Variants in SH3TC2 observed in about 807,000 individuals in gnomAD.
The protein encoded by SH3TC2 is SH3 domain and tetratricopeptide repeat-containing protein 2.
In SH3TC2, 87 loss-of-function variants were observed where a neutral mutation model predicts 124.5. That is an observed-to-expected ratio of 0.70 (90% CI 0.59 to 0.84). The LOEUF (loss-of-function observed/expected upper bound fraction) is 0.84, where lower values mean the gene tolerates loss of function less well. SH3TC2 is among the 40% of genes least tolerant of loss of function. The pLI, the probability that SH3TC2 is intolerant of heterozygous loss-of-function variation, is 0.00. For synonymous variants in SH3TC2, 634 were observed against 628.5 expected, an observed-to-expected ratio of 1.01 and a Z score of -0.13; for missense variants, 1,536 against 1,566.4, an observed-to-expected ratio of 0.98 and a Z score of 0.33.
At chr5:149,025,318 A>C (rs1297781375) in intron 12 of SH3TC2, among the ~76,000 whole-genome samples, 1 of 152,182 alleles carries the variant, frequency 6.6e-6, no homozygotes, top group African/African-American at 2.4e-5. Context: ...AGGAAGACAG[A>C]CTGGAAGAGA....
Position 148,986,124 on chromosome 5 carries a change from C to T in SH3TC2, c.*18587G>A, listed in dbSNP as rs1753328876. Reference sequence around the variant, plus strand: ...TAATCAATTTTCACTCACTAAGGCCCTGCTTAATAGCCTATTTTACTGCCC... The same window carrying T: ...TAATCAATTTTCACTCACTAAGGCCTTGCTTAATAGCCTATTTTACTGCCC... On this transcript the variant is annotated 3_prime_UTR_variant, in exon 17 of 17. Transcript: ENST00000515425. 6.6e-6 allele frequency among the ~76,000 whole-genome samples: 1 copy of T among 152,154 alleles called. No homozygotes were observed. Among genetic ancestry groups the T allele is most frequent in the African/African-American group, 2.4e-5 (1 of 41,430 alleles).
At position 148,994,945 on chromosome 5, in the gene SH3TC2, A is replaced by C. The variant is rs1753485656; in HGVS notation, c.*9766T>G. Among the ~76,000 whole-genome samples, 1 of 152,098 alleles carries C rather than the reference A, an allele frequency of 6.6e-6. No individual in the cohort carries two copies. The highest frequency in any genetic ancestry group is 2.4e-5 in the African/African-American group (1 of 41,400). ...AACTTATGATTTCCCAAGGAAAGAG[A>C]CTTGGGATTATGAAACAATACTCTG... On this transcript the variant is annotated 3_prime_UTR_variant, in exon 17 of 17. Coordinates refer to ENST00000515425, the MANE Select transcript of SH3TC2 (RefSeq NM_024577.4).
chr5:149,037,025 C>G (rs759000648), intron 8 of SH3TC2, among the ~76,000 whole-genome samples: 3 of 152,066 alleles, frequency 2.0e-5, no homozygotes, highest in Admixed American at 6.5e-5. Flanking sequence ...AATATGTCAC[C>G]CTTGCTCAGA....
Position 149,012,665 on chromosome 5 carries a change from G to A in SH3TC2, c.3123C>T (p.Asp1041=). The A allele has an allele frequency of 6.2e-7, 1 of 1,614,166 alleles. No homozygotes were observed. The change falls in exon 13 of 17, where the codon GAC becomes GAT. Residue 1041 remains aspartate, a synonymous_variant. Transcript: ENST00000515425. ...LRIFIDLGET[D]KAAEAWLGAG... is the part of the protein sequence containing the mutation. The stretch of plus-strand genomic sequence containing the variant: ...CCCCAAGCCAGGCCTCAGCAGCCTT[G>A]TCTGTCTCCCCCAGGTCAATGAAGA...
In SH3TC2 at chr5:148,984,252, T is replaced by C. The variant is rs1332501885; in HGVS notation, c.*20459A>G. The stretch of plus-strand genomic sequence containing the variant: ...TCTTTTTGTTCCTTCGACTGGATAA[T>C]TTCAAGTGTCCTGTCTTTGAGTTCA... On this transcript the variant is annotated 3_prime_UTR_variant, in exon 17 of 17. Coordinates refer to ENST00000515425, the MANE Select transcript of SH3TC2 (RefSeq NM_024577.4). Among the ~76,000 whole-genome samples, 1 of 152,128 alleles carries C rather than the reference T, an allele frequency of 6.6e-6. No individual in the cohort carries two copies. The highest frequency in any genetic ancestry group is 1.5e-5 in the Non-Finnish European group (1 of 68,014).
chr5:149,022,575 A>G (rs1194772963), intron 12 of SH3TC2, among the ~76,000 whole-genome samples: 1 of 152,246 alleles, frequency 6.6e-6, no homozygotes, highest in Non-Finnish European at 1.5e-5. Flanking sequence ...TCTTCACACA[A>G]AAATTTGTTC....
chr5:149,010,381 C>T lies in SH3TC2; in HGVS notation c.3216G>A (p.Gln1072=), dbSNP rs766899434. 6.2e-7 allele frequency: 1 copy of T among 1,613,958 alleles called. No homozygotes were observed. The highest frequency in any genetic ancestry group is 8.5e-7 in the Non-Finnish European group (1 of 1,180,026). Residue 1072 remains glutamine, a synonymous_variant, in exon 14 of 17, where the codon CAG becomes CAA. Transcript: ENST00000515425. ...LVELCLQAAI[Q]TALKSEEPLL... ...AAGGCTCCTCTGACTTCAGGGCTGT[C>T]TGGATGGCTGCCTAGGTGGGACAGA...
chr5:149,058,444 G>A (rs1016496953), intron 1 of SH3TC2, among the ~76,000 whole-genome samples: 9 of 152,196 alleles, frequency 5.9e-5, no homozygotes, highest in African/African-American at 1.9e-4. Flanking sequence ...AATGACTTAC[G>A]ATGTTAATCA....
At chr5:149,014,516 T>G (rs192662461) in intron 12 of SH3TC2, among the ~76,000 whole-genome samples, 1 of 152,208 alleles carries the variant, frequency 6.6e-6, no homozygotes, top group Non-Finnish European at 1.5e-5. Flanking sequence ...GGATCCTTAT[T>G]GGCAATGAGG....
rs78120278 is a variant in SH3TC2 at position 149,027,497 on chromosome 5, A to C, written c.2235T>G (p.Ala745=). ...LACPMLRQAL[A]ACEELADRST... ...TCCGGTCTGCTAGTTCCTCACAGGC[A>C]GCCAGGGCCTGTCTGAGCATTGGGC... Residue 745 remains alanine, a synonymous_variant, in exon 11 of 17, where the codon GCT becomes GCG. Transcript: ENST00000515425. 9,205 of 1,614,190 alleles carry C rather than the reference A, an allele frequency of 5.7e-3. 452 individuals carry two copies. In the African/African-American group the frequency reaches 0.11, roughly 19 times the overall value.
At chr5:149,005,868 G>A (rs773106062) in intron 16 of SH3TC2, among the ~76,000 whole-genome samples, 3 of 152,140 alleles carry the variant, frequency 2.0e-5, no homozygotes, top group South Asian at 2.1e-4. Flanking sequence ...AGGGGACAGG[G>A]ACCTCTAGTA....
In SH3TC2 at chr5:148,996,150, G is replaced by T. The variant is rs1262728421; in HGVS notation, c.*8561C>A. Among the ~76,000 whole-genome samples the T allele has an allele frequency of 6.6e-6, 1 of 151,982 alleles. No individual in the cohort carries two copies. Among genetic ancestry groups the T allele is most frequent in the Non-Finnish European group, 1.5e-5 (1 of 68,004 alleles). ...GCCTGTAGTCCCAGCTACTCGGGAG[G>T]CTGAAGTGGGAGGATCACCCAAGCA... is the stretch of plus-strand genomic sequence containing the variant. On this transcript the variant is annotated 3_prime_UTR_variant, in exon 17 of 17. Coordinates refer to ENST00000515425, the MANE Select transcript of SH3TC2 (RefSeq NM_024577.4).
rs140829706 is a variant in SH3TC2 at position 149,027,428 on chromosome 5, G to A, written c.2304C>T (p.Leu768=). Residue 768 remains leucine (L), a synonymous_variant, in exon 11 of 17, where the codon CTC becomes CTT. Coordinates refer to ENST00000515425, the MANE Select transcript of SH3TC2 (RefSeq NM_024577.4). ...ALCLILSKVY[L]EHRSPDGAIH... ...TGGCACCGTCAGGAGACCTGTGCTC[G>A]AGGTACACTTTGGAAAGGATGAGAC... The A allele has an allele frequency of 5.5e-4, 886 of 1,614,146 alleles. 2 individuals are homozygous for A. Among genetic ancestry groups the A allele is most frequent in the Non-Finnish European group, 7.0e-4 (828 of 1,180,046 alleles).
chr5:149,029,722 C>A (rs1171818354), intron 9 of SH3TC2, among the ~76,000 whole-genome samples: 1 of 152,072 alleles, frequency 6.6e-6, no homozygotes, highest in Non-Finnish European at 1.5e-5. Context: ...CTATTGCCAC[C>A]AAGTGCAACC....
intron 2 of SH3TC2, among the ~76,000 whole-genome samples, chr5:149,048,887 G>T (rs1754510960): frequency 6.6e-6 from 1 of 152,332 alleles, no homozygotes; most frequent in South Asian, 2.1e-4. Flanking sequence ...TTTGCAATGT[G>T]TCTTCTTTAG....
intron 5 of SH3TC2, among the ~76,000 whole-genome samples, chr5:149,042,324 C>T (rs998918543): frequency 4.6e-5 from 7 of 152,168 alleles, no homozygotes; most frequent in East Asian, 1.9e-4. Context: ...AATTTTATCA[C>T]GTTTGGAAAA....
chr5:149,042,936 G>A, intron 4 of SH3TC2, 99 bp from the exon 5 acceptor site: 1 of 1,425,090 alleles, frequency 7.0e-7, no homozygotes, highest in Non-Finnish European at 9.8e-7. Context: ...TTGATTCCCA[G>A]ACCACAAGCC....
chr5:149,005,265 T>C (rs1753667697), intron 16 of SH3TC2, among the ~76,000 whole-genome samples: 1 of 152,050 alleles, frequency 6.6e-6, no homozygotes, highest in African/African-American at 2.4e-5. Flanking sequence ...ATAAGGAAAA[T>C]AGTCCCTCTG....
chr5:149,032,623 C>T (rs1041161371), intron 8 of SH3TC2, among the ~76,000 whole-genome samples: 1 of 152,164 alleles, frequency 6.6e-6, no homozygotes, highest in Non-Finnish European at 1.5e-5. Context: ...ATTTGCCATA[C>T]AAGGCACGTA....
Sources: gnomAD v4.1 joint callset for allele counts (sites outside exome capture counted in the v4.1 genomes callset) on GRCh38, gnomAD v4.1.1 for gene constraint, MANE v1.5 for transcripts, NCBI Gene and HGNC (gene_info 2026-07-23, HGNC 2026-07-21) for gene names.